The following ZEB2 variants were observed in gnomAD, a reference collection of about 807,000 sequenced individuals.
ZEB2 encodes the protein zinc finger E-box binding homeobox 2, also known as zinc finger E-box-binding homeobox 2.
ZEB2 carries 6 observed loss-of-function variants against 99.9 expected under a neutral mutation model. The ratio of observed to expected loss-of-function variants is 0.06; its 90% CI spans 0.03 to 0.12. ZEB2 has a LOEUF of 0.12. ZEB2 is among the 10% of genes least tolerant of loss of function. The pLI, the probability that ZEB2 is intolerant of heterozygous loss-of-function variation, is 1.00. For synonymous variants in ZEB2, 517 were observed against 542.5 expected (o/e 0.95, Z 0.65); for missense variants, 969 against 1,502.8 (o/e 0.64, Z 5.87).
chr2:144,467,091 A>G (rs1284091427), intron 2 of ZEB2, among the ~76,000 whole-genome samples: 2 of 151,668 alleles, frequency 1.3e-5, no homozygotes, highest in Non-Finnish European at 2.9e-5. Flanking sequence ...GTTCCTCAAG[A>G]TTTTGGTTTT....
chr2:144,411,121 T>TACACAC lies in ZEB2; in HGVS notation c.404-6098_404-6097insGTGTGT, dbSNP rs10666828. ...TATATGTATAATAGGGCATCTCATA[T>TACACAC]ATACACACACACACACACACACACA... On this transcript the variant is annotated intron_variant, in intron 4 of 9. Coordinates refer to ENST00000627532, the MANE Select transcript of ZEB2 (RefSeq NM_014795.4). Among the ~76,000 whole-genome samples, 17 of 106,658 alleles carry TACACAC rather than the reference T, an allele frequency of 1.6e-4. 1 individual carries two copies. Among genetic ancestry groups the TACACAC allele is most frequent in the African/African-American group, 2.7e-4 (8 of 29,320 alleles). 70.0% of individuals were successfully genotyped at this position (106,658 alleles called of 152,430 possible).
chr2:144,415,723 A>T lies in ZEB2; in HGVS notation c.403+9073T>A, dbSNP rs1573731906. On this transcript the variant is annotated intron_variant, in intron 4 of 9. Transcript: ENST00000627532. Reference sequence around the variant, plus strand: ...GTTTATTTATTCATTAATTCAACAAATACCCTGGTTATGAACCATTAACAC... The same window carrying T: ...GTTTATTTATTCATTAATTCAACAATTACCCTGGTTATGAACCATTAACAC... Among the ~76,000 whole-genome samples the T allele has an allele frequency of 2.0e-5, 3 of 152,256 alleles. No homozygotes were observed. In the East Asian group the frequency reaches 5.8e-4, roughly 29 times the overall value.
At chr2:144,487,820 G>C (rs985169230) in intron 2 of ZEB2, among the ~76,000 whole-genome samples, 3 of 152,114 alleles carry the variant, frequency 2.0e-5, no homozygotes, top group Admixed American at 6.5e-5. Context: ...CTGTGAAAAA[G>C]AACTAGGGCC....
intron 4 of ZEB2, among the ~76,000 whole-genome samples, chr2:144,412,040 T>A (rs1212949206): frequency 1.3e-5 from 2 of 152,164 alleles, no homozygotes; most frequent in Non-Finnish European, 2.9e-5. Flanking sequence ...GAGGCCGAGG[T>A]GGGCGGATCA....
At chr2:144,401,037 T>C (rs562919036) in intron 7 of ZEB2, among the ~76,000 whole-genome samples, 162 bp downstream of exon 7, 1 of 152,362 alleles carries the variant, frequency 6.6e-6, no homozygotes, top group East Asian at 1.9e-4. Flanking sequence ...CTACTGGTTG[T>C]ACCATAAGTC....
At chr2:144,429,470 A>C in intron 3 of ZEB2, 1 of 408,058 alleles carries the variant, frequency 2.5e-6, no homozygotes, top group Non-Finnish European at 4.6e-6. Flanking sequence ...TGATCATGTT[A>C]CATAATTTGC....
rs180905754 is a variant in ZEB2 at position 144,511,032 on chromosome 2, T to G, written c.73+6246A>C. Among the ~76,000 whole-genome samples the G allele has an allele frequency of 2.5e-3, 377 of 152,214 alleles. 1 individual carries two copies. Among genetic ancestry groups the G allele is most frequent in the Middle Eastern group, 3.4e-3 (1 of 294 alleles). Reference sequence around the variant, plus strand: ...AAAAATCTTTTCACAGACTGGCAGTTTTTTTCCCCTCTCTAATTTACTACA... The same window carrying G: ...AAAAATCTTTTCACAGACTGGCAGTGTTTTTCCCCTCTCTAATTTACTACA... On this transcript the variant is annotated intron_variant, in intron 2 of 9. Transcript: ENST00000627532.
intron 2 of ZEB2, among the ~76,000 whole-genome samples, chr2:144,446,169 G>A (rs1703980547): frequency 6.6e-6 from 1 of 151,976 alleles, no homozygotes; most frequent in African/African-American, 2.4e-5. Flanking sequence ...ATACCTAAAT[G>A]CACTTGCACT....
At position 144,441,164 on chromosome 2, in the gene ZEB2, C is replaced by A. The variant is rs555202743; in HGVS notation, c.74-11138G>T. ...CCTTCCTTCTCTTCCTTTAGCTGCA[C>A]GAGAGAGAGAGAGAGAGAGAGAGAG... On this transcript the variant is annotated intron_variant, in intron 2 of 9. Coordinates refer to ENST00000627532, the MANE Select transcript of ZEB2 (RefSeq NM_014795.4). Among the ~76,000 whole-genome samples, 7 of 88,924 alleles carry A rather than the reference C, an allele frequency of 7.9e-5. No individual in the cohort carries two copies. In the Admixed American group the frequency reaches 8.4e-4, roughly 11 times the overall value. 58.3% of individuals were successfully genotyped at this position (88,924 alleles called of 152,430 possible).
intron 1 of ZEB2, chr2:144,518,183 T>G (rs1262791815): frequency 6.9e-6 from 1 of 144,984 alleles, no homozygotes; most frequent in Non-Finnish European, 1.5e-5. Flanking sequence ...ATAGTTCCAG[T>G]AGAATTTTTT....
intron 2 of ZEB2, among the ~76,000 whole-genome samples, chr2:144,441,912 T>C (rs1479365181): frequency 6.6e-6 from 1 of 152,208 alleles, no homozygotes; most frequent in Non-Finnish European, 1.5e-5. Context: ...CACAAAATGA[T>C]ACTAAGAGGT....
intron 5 of ZEB2, 39 bp downstream of exon 5, chr2:144,404,797 G>C: frequency 6.2e-7 from 1 of 1,606,024 alleles, no homozygotes; most frequent in Non-Finnish European, 8.5e-7. Flanking sequence ...AACAGCTGCA[G>C]AGGTCAGTGC....
In ZEB2 at chr2:144,517,386, T is replaced by A. The variant is rs1333640839; in HGVS notation, c.-36A>T. 6.2e-7 allele frequency: 1 copy of A among 1,611,366 alleles called. No homozygotes were observed. The highest frequency in any genetic ancestry group is 1.1e-5 in the South Asian group (1 of 91,046). On this transcript the variant is annotated 5_prime_UTR_variant, in exon 2 of 10. Coordinates refer to ENST00000627532, the MANE Select transcript of ZEB2 (RefSeq NM_014795.4). ...GGATCAGATGGCAGTTCGCATGGAC[T>A]CGGCGCCCTGCTTCGGCAGCACGCA...
At chr2:144,440,670 T>C (rs1241774898) in intron 2 of ZEB2, among the ~76,000 whole-genome samples, 1 of 151,864 alleles carries the variant, frequency 6.6e-6, no homozygotes, top group African/African-American at 2.4e-5. Flanking sequence ...TTTTCTACTT[T>C]AGTACAGGGA....
At position 144,403,964 on chromosome 2, in the gene ZEB2, G is replaced by A. The variant is rs150853991; in HGVS notation, c.759C>T (p.Arg253=). 3.9e-4 allele frequency: 623 copies of A among 1,614,156 alleles called. No individual in the cohort carries two copies. The highest frequency in any genetic ancestry group is 5.0e-4 in the Non-Finnish European group (591 of 1,180,024). ...CPLCSYTFAY[R]TQLERHMVTH... The stretch of plus-strand genomic sequence containing the variant: ...TCACCATATGCCGCTCGAGCTGGGT[G>A]CGGTAGGCAAACGTGTAGCTACAGA... Residue 253 remains arginine, a synonymous_variant, in exon 6 of 10, where the codon CGC becomes CGT. Coordinates refer to ENST00000627532, the MANE Select transcript of ZEB2 (RefSeq NM_014795.4).
At chr2:144,451,429 C>A (rs528172791) in intron 2 of ZEB2, among the ~76,000 whole-genome samples, 1 of 152,052 alleles carries the variant, frequency 6.6e-6, no homozygotes, top group Admixed American at 6.5e-5. Flanking sequence ...ATTGACTTAG[C>A]GTCTCTTAAA....
At chr2:144,445,388 A>G (rs1216019289) in intron 2 of ZEB2, among the ~76,000 whole-genome samples, 1 of 149,394 alleles carries the variant, frequency 6.7e-6, no homozygotes, top group Non-Finnish European at 1.5e-5. Flanking sequence ...AGATTGCAGC[A>G]TGAACAAATG....
Position 144,388,767 on chromosome 2 carries a change from G to C in ZEB2, c.*684C>G. ...ACAGATTAAAAGGTTTGCATATAAG[G>C]CTTTTAAAACCACCTTACAAAGGCT... On this transcript the variant is annotated 3_prime_UTR_variant, in exon 10 of 10. Transcript: ENST00000627532. The surrounding 1 kb of genome is among the most constrained non-coding windows in gnomAD (Gnocchi z 5.4). The C allele has an allele frequency of 2.4e-6, 1 of 414,370 alleles. No homozygotes were observed. 25.7% of individuals were successfully genotyped at this position (414,370 alleles called of 1,614,324 possible).
chr2:144,479,813 G>A (rs1452909931), intron 2 of ZEB2, among the ~76,000 whole-genome samples: 2 of 151,580 alleles, frequency 1.3e-5, no homozygotes, highest in Non-Finnish European at 2.9e-5. Context: ...CTTTTCCCAC[G>A]CTAACCCCAG....
Sources: allele counts gnomAD v4.1 joint callset (sites outside exome capture counted in the v4.1 genomes callset), GRCh38; gene constraint gnomAD v4.1.1; non-coding constraint Gnocchi (gnomAD v3.1); transcripts MANE v1.5; gene names NCBI Gene and HGNC (gene_info 2026-07-23, HGNC 2026-07-21).